The following ABCA13 variants were observed in gnomAD, a reference collection of about 807,000 sequenced individuals.
ABCA13 encodes the protein ATP binding cassette subfamily A member 13, also known as ATP-binding cassette sub-family A member 13.
ABCA13 carries 476 observed loss-of-function variants against 478.7 expected under a neutral mutation model. That is an observed-to-expected ratio of 0.99 (90% CI 0.92 to 1.07). The LOEUF (loss-of-function observed/expected upper bound fraction) is 1.07, where lower values mean the gene tolerates loss of function less well. Among genes scored for constraint, ABCA13 ranks in the 50% least tolerant of loss-of-function variants. The pLI, the probability that ABCA13 is intolerant of heterozygous loss-of-function variation, is 0.00. For synonymous variants in ABCA13, 2,252 were observed against 2,158.9 expected, an observed-to-expected ratio of 1.04 and a Z score of -1.20; for missense variants, 6,060 against 5,910.6, an observed-to-expected ratio of 1.03 and a Z score of -0.83.
At chr7:48,545,446 T>G (rs1784738000) in intron 55 of ABCA13, among the ~76,000 whole-genome samples, 1 of 151,534 alleles carries the variant, frequency 6.6e-6, no homozygotes, top group South Asian at 2.1e-4. Flanking sequence ...GAACCACAAC[T>G]CCCCCTACCC....
At chr7:48,346,001 C>T (rs150572820) in intron 29 of ABCA13, among the ~76,000 whole-genome samples, 224 of 152,286 alleles carry the variant, frequency 1.5e-3, no homozygotes, top group African/African-American at 5.1e-3. Context: ...GTTACAATTG[C>T]CTACAGCATT....
intron 6 of ABCA13, among the ~76,000 whole-genome samples, chr7:48,228,915 G>A (rs1788650298): frequency 6.6e-6 from 1 of 152,182 alleles, no homozygotes; most frequent in African/African-American, 2.4e-5. Context: ...GACAGTTGTT[G>A]AACCATATCA....
At chr7:48,394,390 A>G (rs187591483) in intron 38 of ABCA13, among the ~76,000 whole-genome samples, 12 of 152,202 alleles carry the variant, frequency 7.9e-5, no homozygotes, top group Admixed American at 7.8e-4. Context: ...TCGTGTTGTG[A>G]TGGGCTCCGT....
At chr7:48,201,949 C>G (rs552982800) in intron 3 of ABCA13, among the ~76,000 whole-genome samples, 1 of 151,974 alleles carries the variant, frequency 6.6e-6, no homozygotes, top group African/African-American at 2.4e-5. Flanking sequence ...AGGAGTGAAG[C>G]TGCAGACCTT....
In ABCA13 at chr7:48,443,410, C is replaced by T. The variant is rs562224665; in HGVS notation, c.12566-11627C>T. ...GATCTAGTGTAAAAGCTGGCCCCCA[C>T]GGGCACTGGCCATGGCACAGCACTC... On this transcript the variant is annotated intron_variant, in intron 42 of 61. Coordinates refer to ENST00000435803, the MANE Select transcript of ABCA13 (RefSeq NM_152701.5). Among the ~76,000 whole-genome samples the T allele has an allele frequency of 3.0e-4, 46 of 152,316 alleles. No homozygotes were observed. In the South Asian group the frequency reaches 4.8e-3, roughly 16 times the overall value.
chr7:48,269,572 A>G (rs1187442420), intron 16 of ABCA13, among the ~76,000 whole-genome samples: 1 of 152,186 alleles, frequency 6.6e-6, no homozygotes, highest in Non-Finnish European at 1.5e-5. Flanking sequence ...ATGTCTGGTT[A>G]TGAATAGTGT....
At position 48,246,392 on chromosome 7, in the gene ABCA13, G is replaced by A. The variant is rs1490613998; in HGVS notation, c.1659+362G>A. 2.0e-5 allele frequency among the ~76,000 whole-genome samples: 3 copies of A among 152,292 alleles called. No individual in the cohort carries two copies. The East Asian group carries it at 5.8e-4, about 29-fold the overall frequency. The stretch of plus-strand genomic sequence containing the variant: ...AATCCCAGCAAAACTGTGGCTTTGA[G>A]TGGTTACAAGCTTTAAAAGTCATAT... On this transcript the variant is annotated intron_variant, in intron 13 of 61. Transcript: ENST00000435803.
At chr7:48,359,943 A>G (rs1057215989) in intron 31 of ABCA13, among the ~76,000 whole-genome samples, 2 of 152,076 alleles carry the variant, frequency 1.3e-5, no homozygotes, top group African/African-American at 4.8e-5. Flanking sequence ...AGAAAAAGCA[A>G]TGGTGACAAT....
At chr7:48,477,412 A>G (rs951225083) in intron 45 of ABCA13, among the ~76,000 whole-genome samples, 41 of 152,208 alleles carry the variant, frequency 2.7e-4, no homozygotes, top group Non-Finnish European at 4.4e-4. Context: ...AGGACTATAA[A>G]TCATGCTGCT....
chr7:48,322,388 A>G lies in ABCA13; in HGVS notation c.9999+5092A>G, dbSNP rs1803620609. 2.0e-5 allele frequency among the ~76,000 whole-genome samples: 3 copies of G among 152,320 alleles called. 1 individual carries two copies. The South Asian group carries it at 6.2e-4, about 32-fold the overall frequency. ...CACACATACCTGGAATTTAAATGCC[A>G]TACTTCCTTGGGATCCAGTGTGCCA... is the stretch of plus-strand genomic sequence containing the variant. On this transcript the variant is annotated intron_variant, in intron 27 of 61. Transcript: ENST00000435803.
At chr7:48,448,671 GA>G (rs1264184716) in intron 42 of ABCA13, among the ~76,000 whole-genome samples, 3 of 151,880 alleles carry the variant, frequency 2.0e-5, no homozygotes, top group Non-Finnish European at 2.9e-5. Flanking sequence ...AATTACATTT[GA>G]AAAAGCAGTA....
At position 48,274,191 on chromosome 7, in the gene ABCA13, A is replaced by G. The variant is rs1284268290; in HGVS notation, c.4525A>G (p.Thr1509Ala). Residue 1509 changes from threonine to alanine, a missense_variant, in exon 17 of 62, where the codon ACA (threonine) becomes GCA (alanine). Physicochemically the swap from Thr to Ala is moderately conservative, Grantham distance 58. Coordinates refer to ENST00000435803, the MANE Select transcript of ABCA13 (RefSeq NM_152701.5). ...QVRMSINNLT[T>A]DFDFASQSNW... ...AAGGATGAGTATCAACAACTTAACA[A>G]CAGACTTTGATTTTGCATCTCAGTC... 2 of 1,612,348 alleles carry G rather than the reference A, an allele frequency of 1.2e-6. No individual in the cohort carries two copies. Among genetic ancestry groups the G allele is most frequent in the Admixed American group, 1.7e-5 (1 of 59,762 alleles).
intron 20 of ABCA13, among the ~76,000 whole-genome samples, chr7:48,290,939 G>GAAAA (rs754416012): frequency 1.5e-4 from 12 of 79,600 alleles, no homozygotes; most frequent in African/African-American, 4.7e-4. Flanking sequence ...TCACACTCAG[G>GAAAA]GAAAAAAAAA....
chr7:48,197,332 G>C (rs1798061607), intron 2 of ABCA13, among the ~76,000 whole-genome samples: 1 of 152,200 alleles, frequency 6.6e-6, no homozygotes, highest in Non-Finnish European at 1.5e-5. Flanking sequence ...GTTTCAGATG[G>C]GCCCTGGCAA....
At position 48,273,230 on chromosome 7, in the gene ABCA13, T is replaced by C; in HGVS notation, c.3564T>C (p.Asp1188=). Residue 1188 remains aspartate (D), a synonymous_variant, in exon 17 of 62, where the codon GAT becomes GAC. Transcript: ENST00000435803. ...GFTQLLDELE[D]DVKVSKSCQG... is the part of the protein sequence containing the mutation. Reference sequence around the variant, plus strand: ...CTCAGCTTTTGGATGAATTGGAAGATGATGTGAAAGTCTCTAAAAGCTGCC... The same window carrying C: ...CTCAGCTTTTGGATGAATTGGAAGACGATGTGAAAGTCTCTAAAAGCTGCC... 1 of 1,613,696 alleles carries C rather than the reference T, an allele frequency of 6.2e-7. No individual in the cohort carries two copies.
intron 30 of ABCA13, among the ~76,000 whole-genome samples, 158 bp from the exon 31 acceptor site, chr7:48,352,023 G>A (rs1238301266): frequency 1.3e-5 from 2 of 152,232 alleles, no homozygotes; most frequent in East Asian, 3.9e-4. Flanking sequence ...GTGACTGAAA[G>A]TCAGCTTTGC....
chr7:48,586,518 A>T (rs942230851), intron 56 of ABCA13, among the ~76,000 whole-genome samples: 2 of 151,946 alleles, frequency 1.3e-5, no homozygotes, highest in Non-Finnish European at 2.9e-5. Flanking sequence ...TATAGGGGGG[A>T]GCTTAACATT....
At chr7:48,458,377 G>A (rs1338206817) in intron 43 of ABCA13, among the ~76,000 whole-genome samples, 1 of 152,172 alleles carries the variant, frequency 6.6e-6, no homozygotes, top group Non-Finnish European at 1.5e-5. Flanking sequence ...ACATCTGTGA[G>A]CAGTCTCCTT....
chr7:48,383,559 A>C (rs1814722840), intron 35 of ABCA13, among the ~76,000 whole-genome samples: 1 of 152,266 alleles, frequency 6.6e-6, no homozygotes, highest in Non-Finnish European at 1.5e-5. Context: ...CATTTGGAAC[A>C]GGCAAATTGT....
Sources: allele counts gnomAD v4.1 joint callset (sites outside exome capture counted in the v4.1 genomes callset), GRCh38; gene constraint gnomAD v4.1.1; transcripts MANE v1.5; gene names NCBI Gene and HGNC (gene_info 2026-07-23, HGNC 2026-07-21).